Variants in AKAP5 observed in about 807,000 individuals in gnomAD.
AKAP5 encodes A-kinase anchoring protein 5.
Under a neutral mutation model 13.8 loss-of-function variants are expected in AKAP5, and 5 were observed. That is an observed-to-expected ratio of 0.36 (90% confidence interval 0.19 to 0.76). AKAP5 has a LOEUF of 0.76. AKAP5 is among the 30% of genes least tolerant of loss of function. The pLI is 0.51. For missense variants in AKAP5, 406 were observed against 484.4 expected, an observed-to-expected ratio of 0.84 and a Z score of 1.52; for synonymous variants, 148 against 167.2, an observed-to-expected ratio of 0.89 and a Z score of 0.89.
rs1483648015 is a variant in AKAP5 at position 64,472,120 on chromosome 14, C to T, written c.*2442C>T. The T allele has an allele frequency of 1.2e-5, 2 of 166,960 alleles. No homozygotes were observed. The highest frequency in any genetic ancestry group is 2.9e-5 in the Non-Finnish European group (2 of 68,092). 10.3% of individuals were successfully genotyped at this position (166,960 alleles called of 1,614,324 possible). A position where few individuals can be genotyped will look rare whatever the true frequency, so the allele number is the denominator to read the frequency against. The stretch of plus-strand genomic sequence containing the variant: ...TTCTTTTAATTGTACAACTTTTAAA[C>T]ATTAAAAACAAAAAAGACGAGTCAT... On this transcript the variant is annotated 3_prime_UTR_variant, in exon 2 of 2. Transcript: ENST00000394718.
chr14:64,472,032 G>A lies in AKAP5; in HGVS notation c.*2354G>A, dbSNP rs938538031. ...ACCTTCATGCTTATAATCCGGGGAGGAGGGTGGAAATCCTGAGCAAGATGA... is the reference window on the plus strand; with the variant it reads ...ACCTTCATGCTTATAATCCGGGGAGAAGGGTGGAAATCCTGAGCAAGATGA... On this transcript the variant is annotated 3_prime_UTR_variant, in exon 2 of 2. Transcript: ENST00000394718. 6.0e-6 allele frequency: 1 copy of A among 166,482 alleles called. No individual in the cohort carries two copies. The highest frequency in any genetic ancestry group is 2.4e-5 in the African/African-American group (1 of 41,440). The allele number at this position is 166,482 out of a possible 1,614,324, so 10.3% of individuals were successfully genotyped here. A position where few individuals can be genotyped will look rare whatever the true frequency, so the allele number is the denominator to read the frequency against.
Position 64,468,822 on chromosome 14 carries a change from A to G in AKAP5, c.428A>G (p.Lys143Arg), listed in dbSNP as rs748670901. ...PRGPKRSNHS[K>R]IIEDSDCSIK... ...GGGCCAAAAAGGAGTAATCATTCCA[A>G]AATTATAGAAGACTCAGACTGCAGC... The change falls in exon 2 of 2, where the codon AAA becomes AGA. Residue 143 changes from lysine to arginine, a missense_variant. Transcript: ENST00000394718. 1 of 1,614,178 alleles carries G rather than the reference A, an allele frequency of 6.2e-7. No individual in the cohort carries two copies. The highest frequency in any genetic ancestry group is 8.5e-7 in the Non-Finnish European group (1 of 1,180,030).
chr14:64,466,623 TTC>T (rs1424118286), intron 1 of AKAP5, among the ~76,000 whole-genome samples: 1 of 152,200 alleles, frequency 6.6e-6, no homozygotes, highest in Non-Finnish European at 1.5e-5. Context: ...GACTTTATCT[TTC>T]TGTTAGAGGC....
Position 64,468,988 on chromosome 14 carries a change from T to C in AKAP5, c.594T>C (p.Asn198=). 1 of 1,614,194 alleles carries C rather than the reference T, an allele frequency of 6.2e-7. No individual in the cohort carries two copies. The highest frequency in any genetic ancestry group is 1.3e-5 in the African/African-American group (1 of 75,048). The part of the protein sequence containing the change: ...RKDGDEVCES[N]VSNSTTSGEK... Reference sequence around the variant, plus strand: ...ATGGTGATGAGGTCTGTGAATCAAATGTGAGCAATAGCACAACTTCTGGAG... The same window carrying C: ...ATGGTGATGAGGTCTGTGAATCAAACGTGAGCAATAGCACAACTTCTGGAG... Residue 198 remains asparagine (N), a synonymous_variant, in exon 2 of 2, where the codon AAT becomes AAC. Transcript: ENST00000394718.
intron 1 of AKAP5, chr14:64,467,142 CCAAA>C (rs2078620465): frequency 6.6e-6 from 1 of 152,086 alleles, no homozygotes; most frequent in Non-Finnish European, 1.5e-5. Context: ...ATTAGTATCC[CCAAA>C]CAATTCATTT....
rs2078640017 is a variant in AKAP5, at chr14:64,469,022, A to T, written c.628A>T (p.Ile210Phe). 1 of 1,614,250 alleles carries T rather than the reference A, an allele frequency of 6.2e-7. No homozygotes were observed. Among genetic ancestry groups the T allele is most frequent in the Non-Finnish European group, 8.5e-7 (1 of 1,180,040 alleles). ...TAGCACAACTTCTGGAGAGAAAGTG[A>T]TTTCAGTAGAACTTGGATTAGATAA... is the stretch of plus-strand genomic sequence containing the variant. ...SNSTTSGEKVISVELGLDNGH... is the reference protein window; with the variant it reads ...SNSTTSGEKVFSVELGLDNGH... Residue 210 changes from isoleucine (I) to phenylalanine (F), a missense_variant, in exon 2 of 2, where the codon ATT becomes TTT. Ile to Phe is a conservative substitution (Grantham distance 21, BLOSUM62 0). Transcript: ENST00000394718.
At chr14:64,467,063 T>C (rs1408206400) in intron 1 of AKAP5, 1 of 152,248 alleles carries the variant, frequency 6.6e-6, no homozygotes, top group African/African-American at 2.4e-5. Flanking sequence ...AATTATGAGT[T>C]GATAAGTGCC....
intron 1 of AKAP5, chr14:64,467,207 A>G (rs1169108562): frequency 6.6e-6 from 1 of 152,242 alleles, no homozygotes; most frequent in African/African-American, 2.4e-5. Context: ...TTAAGCAACA[A>G]GCAATCTTGT....
chr14:64,473,298 G>C lies in AKAP5; in HGVS notation c.*3620G>C, dbSNP rs921180304. On this transcript the variant is annotated 3_prime_UTR_variant, in exon 2 of 2. Transcript: ENST00000394718. ...CACCTCAAAGAATAATAAGCATGTG[G>C]CATAAATGGAGTTGTTCAGAAAAGC... 1 of 167,044 alleles carries C rather than the reference G, an allele frequency of 6.0e-6. No individual in the cohort carries two copies. The highest frequency in any genetic ancestry group is 2.4e-5 in the African/African-American group (1 of 41,424). The allele number at this position is 167,044 out of a possible 1,614,324, so 10.3% of individuals were successfully genotyped here.
In AKAP5 at chr14:64,474,469, GATT is replaced by G. The variant is rs1339736161; in HGVS notation, c.*4796_*4798del. On this transcript the variant is annotated 3_prime_UTR_variant, in exon 2 of 2. Transcript: ENST00000394718. ...TTCAAGTTGAATTAATTTATGTACT[GATT>G]ATTAATACAGAATAAATGTTATATT... 1 of 166,988 alleles carries G rather than the reference GATT, an allele frequency of 6.0e-6. No homozygotes were observed. The highest frequency in any genetic ancestry group is 1.5e-5 in the Non-Finnish European group (1 of 68,102). 10.3% of individuals were successfully genotyped at this position (166,988 alleles called of 1,614,324 possible).
At chr14:64,466,511 A>C (rs1295700350) in intron 1 of AKAP5, among the ~76,000 whole-genome samples, 1 of 152,218 alleles carries the variant, frequency 6.6e-6, no homozygotes, top group African/African-American at 2.4e-5. Context: ...AGAGGTGAGA[A>C]GATTTAAACA....
In AKAP5 at chr14:64,469,537, G is replaced by C. The variant is rs1239923879; in HGVS notation, c.1143G>C (p.Glu381Asp). The C allele has an allele frequency of 2.8e-5, 45 of 1,613,754 alleles. No individual in the cohort carries two copies. The highest frequency in any genetic ancestry group is 3.6e-5 in the Non-Finnish European group (43 of 1,179,966). Residue 381 changes from glutamate to aspartate, a missense_variant, in exon 2 of 2, where the codon GAG (glutamate) becomes GAC (aspartate). Transcript: ENST00000394718. ...VGVFANDNGFEDRTSEQYETL... is the reference protein window; with the variant it reads ...VGVFANDNGFDDRTSEQYETL... ...TTTTTGCTAATGATAATGGTTTTGAGGATAGAACTTCAGAACAATATGAAA... is the reference window on the plus strand; with the variant it reads ...TTTTTGCTAATGATAATGGTTTTGACGATAGAACTTCAGAACAATATGAAA...
At position 64,470,872 on chromosome 14, in the gene AKAP5, C is replaced by T. The variant is rs928677433; in HGVS notation, c.*1194C>T. 1 of 166,964 alleles carries T rather than the reference C, an allele frequency of 6.0e-6. No individual in the cohort carries two copies. Among genetic ancestry groups the T allele is most frequent in the Non-Finnish European group, 1.5e-5 (1 of 68,112 alleles). The allele number at this position is 166,964 out of a possible 1,614,324, so 10.3% of individuals were successfully genotyped here. ...ATATAGGATTCATCTTGCAGAATTA[C>T]TTCTTTAAGAGCCATATTCATCAAC... On this transcript the variant is annotated 3_prime_UTR_variant, in exon 2 of 2. Transcript: ENST00000394718.
At position 64,471,157 on chromosome 14, in the gene AKAP5, T is replaced by TC. The variant is rs1280943836; in HGVS notation, c.*1479_*1480insC. The TC allele has an allele frequency of 6.4e-6, 1 of 155,098 alleles. No homozygotes were observed. Among genetic ancestry groups the TC allele is most frequent in the Non-Finnish European group, 1.5e-5 (1 of 67,098 alleles). 9.6% of individuals were successfully genotyped at this position (155,098 alleles called of 1,614,324 possible). ...TTTTTCATCACTATTTTCTTTTCTT[T>TC]TTTTTTTTTTTTTGAGATGGAGTCT... On this transcript the variant is annotated 3_prime_UTR_variant, in exon 2 of 2. Transcript: ENST00000394718.
At position 64,472,393 on chromosome 14, in the gene AKAP5, T is replaced by C. The variant is rs1420092262; in HGVS notation, c.*2715T>C. 1 of 167,048 alleles carries C rather than the reference T, an allele frequency of 6.0e-6. No homozygotes were observed. The highest frequency in any genetic ancestry group is 1.9e-4 in the East Asian group (1 of 5,210). 10.3% of individuals were successfully genotyped at this position (167,048 alleles called of 1,614,324 possible). ...GTACTTAGCAGTTATTGGAAATATT[T>C]TGGGGGATTTTTAAAAAAACAGATA... On this transcript the variant is annotated 3_prime_UTR_variant, in exon 2 of 2. Transcript: ENST00000394718.
At chr14:64,466,347 T>G (rs2078613275) in intron 1 of AKAP5, among the ~76,000 whole-genome samples, 1 of 152,200 alleles carries the variant, frequency 6.6e-6, no homozygotes, top group South Asian at 2.1e-4. Flanking sequence ...TTCTAGTATG[T>G]GAGATACATT....
Position 64,471,707 on chromosome 14 carries a change from A to T in AKAP5, c.*2029A>T, listed in dbSNP as rs574684344. 41 of 161,150 alleles carry T rather than the reference A, an allele frequency of 2.5e-4. No homozygotes were observed. Among genetic ancestry groups the T allele is most frequent in the African/African-American group, 1.0e-3 (41 of 41,178 alleles). 10.0% of individuals were successfully genotyped at this position (161,150 alleles called of 1,614,324 possible). On this transcript the variant is annotated 3_prime_UTR_variant, in exon 2 of 2. Transcript: ENST00000394718. Reference sequence around the variant, plus strand: ...GAGTGATTGTGTTACTACTTGAAACAGATGAAGTAATAAAGATGAAGTATG... The same window carrying T: ...GAGTGATTGTGTTACTACTTGAAACTGATGAAGTAATAAAGATGAAGTATG...
chr14:64,466,394 C>T (rs1212292514), intron 1 of AKAP5, among the ~76,000 whole-genome samples: 5 of 152,102 alleles, frequency 3.3e-5, no homozygotes, highest in African/African-American at 4.8e-5. Flanking sequence ...TTGCGCAATC[C>T]AGGTTAGTTT....
In AKAP5 at chr14:64,471,115, G is replaced by A. The variant is rs947369927; in HGVS notation, c.*1437G>A. 2 of 166,220 alleles carry A rather than the reference G, an allele frequency of 1.2e-5. No individual in the cohort carries two copies. Among genetic ancestry groups the A allele is most frequent in the Non-Finnish European group, 2.9e-5 (2 of 67,962 alleles). 10.3% of individuals were successfully genotyped at this position (166,220 alleles called of 1,614,324 possible). ...GAGACCAGTAAAAAGCATTTTACAT[G>A]AATATTGAAAGTTAACTTTTTCATC... On this transcript the variant is annotated 3_prime_UTR_variant, in exon 2 of 2. Coordinates refer to ENST00000394718, the MANE Select transcript of AKAP5 (RefSeq NM_004857.3).
Sources: gnomAD v4.1 joint callset for allele counts (sites outside exome capture counted in the v4.1 genomes callset) on GRCh38, gnomAD v4.1.1 for gene constraint, MANE v1.5 for transcripts, NCBI Gene and HGNC (gene_info 2026-07-23, HGNC 2026-07-21) for gene names.